The following DENND1A variants were observed in gnomAD, a reference collection of about 807,000 sequenced individuals.
DENND1A encodes DENN domain-containing protein 1A.
A neutral mutation model predicts 113.7 loss-of-function variants in DENND1A; 51 were observed. The ratio of observed to expected loss-of-function variants is 0.45; its 90% CI spans 0.36 to 0.57. DENND1A has a LOEUF of 0.57. Among genes scored for constraint, DENND1A ranks in the 20% least tolerant of loss-of-function variants. DENND1A has a pLI of 0.00. For missense variants in DENND1A, 1,258 were observed against 1,395.9 expected, an observed-to-expected ratio of 0.90 and a Z score of 1.57; for synonymous variants, 565 against 570.8, an observed-to-expected ratio of 0.99 and a Z score of 0.14.
chr9:123,887,025 G>A lies in DENND1A; in HGVS notation c.18-8004C>T, dbSNP rs550804553. On this transcript the variant is annotated intron_variant, in intron 1 of 23. Coordinates refer to ENST00000394215, the MANE Select transcript of DENND1A (RefSeq NM_001352964.2). ...AGGAGGGTTAGCTGCATTCCAAGCAGAGAGACAAAGCCTGAACACCCCTCA... is the reference window on the plus strand; with the variant it reads ...AGGAGGGTTAGCTGCATTCCAAGCAAAGAGACAAAGCCTGAACACCCCTCA... Among the ~76,000 whole-genome samples the A allele has an allele frequency of 6.6e-5, 10 of 152,272 alleles. No homozygotes were observed. The East Asian group carries it at 1.7e-3, about 26-fold the overall frequency.
intron 2 of DENND1A, among the ~76,000 whole-genome samples, chr9:123,837,566 T>C (rs1230883278): frequency 6.6e-6 from 1 of 152,184 alleles, no homozygotes. Context: ...AAAAACGTTA[T>C]ACATATGTAG....
intron 16 of DENND1A, among the ~76,000 whole-genome samples, chr9:123,454,088 T>C (rs888441216): frequency 4.6e-5 from 7 of 152,218 alleles, no homozygotes; most frequent in Non-Finnish European, 1.0e-4. Flanking sequence ...TATCACTTGA[T>C]GCTGGAGTTG....
rs1297552431 is a variant in DENND1A, at chr9:123,662,565, AAAG to A, written c.507+4458_507+4460del. On this transcript the variant is annotated intron_variant, in intron 8 of 23. Transcript: ENST00000394215. ...ATGACAGAGCGAGACTGTCTCAAAA[AAAG>A]AAGAAGAGAGTTATTTTTAGTCATG... Among the ~76,000 whole-genome samples, 7 of 152,206 alleles carry A rather than the reference AAAG, an allele frequency of 4.6e-5. No homozygotes were observed. The South Asian group carries it at 6.2e-4, about 13-fold the overall frequency.
chr9:123,727,203 C>A (rs2067772466), intron 5 of DENND1A, among the ~76,000 whole-genome samples: 1 of 152,196 alleles, frequency 6.6e-6, no homozygotes, highest in Non-Finnish European at 1.5e-5. Context: ...AGCTGCTCTT[C>A]TTTTCCCAGA....
At chr9:123,486,692 C>T (rs1475798928) in intron 13 of DENND1A, among the ~76,000 whole-genome samples, 1 of 152,196 alleles carries the variant, frequency 6.6e-6, no homozygotes, top group African/African-American at 2.4e-5. Flanking sequence ...CTGGTGCAAG[C>T]ACCTTGGTGA....
chr9:123,469,804 A>T (rs957630995), intron 13 of DENND1A, among the ~76,000 whole-genome samples: 3 of 152,198 alleles, frequency 2.0e-5, no homozygotes, highest in African/African-American at 7.2e-5. Context: ...AGGTAGGATG[A>T]TGATCTCCAT....
At chr9:123,751,627 G>C (rs2070041753) in intron 5 of DENND1A, 1 of 152,202 alleles carries the variant, frequency 6.6e-6, no homozygotes, top group South Asian at 2.1e-4. Flanking sequence ...CTAAAATCTT[G>C]AGCACGCCCC....
chr9:123,483,159 C>T (rs1052838439), intron 13 of DENND1A, among the ~76,000 whole-genome samples: 8 of 152,158 alleles, frequency 5.3e-5, no homozygotes, highest in Admixed American at 2.6e-4. Flanking sequence ...TGGATCTAGC[C>T]GACTGACCAC....
intron 19 of DENND1A, among the ~76,000 whole-genome samples, chr9:123,435,713 G>A (rs145384552): frequency 2.0e-4 from 31 of 152,200 alleles, no homozygotes; most frequent in Non-Finnish European, 3.2e-4. Flanking sequence ...CCTAGGACTA[G>A]GGTCCAGTGT....
intron 13 of DENND1A, among the ~76,000 whole-genome samples, chr9:123,535,877 G>T (rs2055722989): frequency 6.6e-6 from 1 of 152,066 alleles, no homozygotes; most frequent in Admixed American, 6.6e-5. Context: ...TTCCAAGAGG[G>T]CACTTACTAC....
At chr9:123,727,441 T>C (rs1266697995) in intron 5 of DENND1A, among the ~76,000 whole-genome samples, 1 of 152,188 alleles carries the variant, frequency 6.6e-6, no homozygotes, top group Non-Finnish European at 1.5e-5. Flanking sequence ...CTGTCTCAAA[T>C]CTAACCCACC....
intron 21 of DENND1A, among the ~76,000 whole-genome samples, chr9:123,395,181 T>G (rs2043051254): frequency 1.3e-5 from 2 of 152,126 alleles, no homozygotes; most frequent in Admixed American, 1.3e-4. Flanking sequence ...AGTCATGTCT[T>G]GAGGATGAGG....
At chr9:123,881,029 C>T (rs989893474) in intron 1 of DENND1A, among the ~76,000 whole-genome samples, 7 of 152,000 alleles carry the variant, frequency 4.6e-5, no homozygotes, top group African/African-American at 1.7e-4. Context: ...GGTGTAAAAT[C>T]GTCATTTCTC....
intron 9 of DENND1A, among the ~76,000 whole-genome samples, chr9:123,632,106 T>C (rs2061500424): frequency 6.6e-6 from 1 of 152,164 alleles, no homozygotes; most frequent in African/African-American, 2.4e-5. Flanking sequence ...CAGAGGTTAG[T>C]GTAACATGAA....
chr9:123,824,747 C>T (rs899238528), intron 2 of DENND1A, among the ~76,000 whole-genome samples: 5 of 152,020 alleles, frequency 3.3e-5, no homozygotes, highest in Non-Finnish European at 7.4e-5. Flanking sequence ...CTTTAGCTAT[C>T]GATTCTAGTG....
intron 12 of DENND1A, 99 bp downstream of exon 12, chr9:123,583,070 A>T: frequency 1.1e-6 from 1 of 882,954 alleles, no homozygotes; most frequent in Non-Finnish European, 1.8e-6. Context: ...GTCACAGGAA[A>T]ACCCTCGCTA....
At chr9:123,864,769 G>A (rs1185925715) in intron 2 of DENND1A, among the ~76,000 whole-genome samples, 3 of 151,922 alleles carry the variant, frequency 2.0e-5, no homozygotes, top group Non-Finnish European at 2.9e-5. Context: ...CAACCTACTG[G>A]AAATGAGATA....
chr9:123,547,820 T>G lies in DENND1A; in HGVS notation c.993+9750A>C, dbSNP rs368549688. On this transcript the variant is annotated intron_variant, in intron 13 of 23. Coordinates refer to ENST00000394215, the MANE Select transcript of DENND1A (RefSeq NM_001352964.2). ...TTCTTGGGCACTTGTTGAACAAGTA[T>G]GGACACCACTATTCTAGAATGTCGC... Among the ~76,000 whole-genome samples, 174 of 152,336 alleles carry G rather than the reference T, an allele frequency of 1.1e-3. 2 individuals carry two copies. The highest frequency in any genetic ancestry group is 4.0e-3 in the African/African-American group (167 of 41,574).
intron 2 of DENND1A, among the ~76,000 whole-genome samples, chr9:123,810,642 T>C (rs1428949789): frequency 6.6e-6 from 1 of 151,866 alleles, no homozygotes; most frequent in Non-Finnish European, 1.5e-5. Flanking sequence ...GTTTACAAAT[T>C]TGTGTTAAGC....
Sources: allele counts gnomAD v4.1 joint callset (sites outside exome capture counted in the v4.1 genomes callset), GRCh38; gene constraint gnomAD v4.1.1; transcripts MANE v1.5; gene names NCBI Gene and HGNC (gene_info 2026-07-23, HGNC 2026-07-21).